The following MBD3 variants were observed in gnomAD, a reference collection of about 807,000 sequenced individuals.
MBD3 encodes the protein methyl-CpG binding domain protein 3.
MBD3 carries 13 observed loss-of-function variants against 31.2 expected under a neutral mutation model. The ratio of observed to expected loss-of-function variants is 0.42; its 90% confidence interval spans 0.27 to 0.66. The LOEUF (loss-of-function observed/expected upper bound fraction) is 0.66. MBD3 is among the 30% of genes least tolerant of loss of function. The probability of loss-of-function intolerance (pLI) is 0.26; values close to 1 mark genes in which losing one functional copy is unlikely to be tolerated. For missense variants in MBD3, 440 were observed against 426.5 expected (o/e 1.03, Z -0.28); for synonymous variants, 223 against 187.4 (o/e 1.19, Z -1.55).
At chr19:1,584,264 T>G (rs1394173128) in intron 3 of MBD3, among the ~76,000 whole-genome samples, 1 of 150,988 alleles carries the variant, frequency 6.6e-6, no homozygotes, top group Non-Finnish European at 1.5e-5. Flanking sequence ...GCCCCCAGGC[T>G]GGAGTGCAGT....
At position 1,576,993 on chromosome 19, in the gene MBD3, G is replaced by T. The variant is rs1917210879; in HGVS notation, c.*1171C>A. The T allele has an allele frequency of 2.6e-5, 4 of 152,350 alleles. No individual in the cohort carries two copies. Among genetic ancestry groups the T allele is most frequent in the Admixed American group, 2.6e-4 (4 of 15,296 alleles). The allele number at this position is 152,350 out of a possible 1,614,324, so 9.4% of individuals were successfully genotyped here. On this transcript the variant is annotated 3_prime_UTR_variant, in exon 7 of 7. Coordinates refer to ENST00000434436, the MANE Select transcript of MBD3 (RefSeq NM_001281453.2). ...CCCGCGGTCAGGCCCCATCAGGGAT[G>T]GTCACAGTCCAGCCACAGGGGCGAC...
intron 4 of MBD3, 35 bp downstream of exon 4, chr19:1,582,587 A>G: frequency 6.2e-7 from 1 of 1,600,606 alleles, no homozygotes; most frequent in African/African-American, 1.3e-5. Context: ...CACCCGGCAC[A>G]TCCCCTTCCG....
chr19:1,581,370 C>G, intron 4 of MBD3, 101 bp from the exon 5 acceptor site: 3 of 1,245,912 alleles, frequency 2.4e-6, no homozygotes, highest in Non-Finnish European at 3.4e-6. Context: ...GAGCTGCCAC[C>G]TTCTTGGAAG....
chr19:1,592,609 C>T lies in MBD3; in HGVS notation c.23G>A (p.Cys8Tyr). The part of the protein sequence containing the change: MERKRWE[C>Y]PALPQGWERE... ...CTCCCAGCCCTGCGGGAGCGCCGGGCACTCCCACCTCTTCCGCTCCATTGC... is the reference window on the plus strand; with the variant it reads ...CTCCCAGCCCTGCGGGAGCGCCGGGTACTCCCACCTCTTCCGCTCCATTGC... The change falls in exon 1 of 7, where the codon TGC becomes TAC. Residue 8 changes from cysteine to tyrosine, a missense_variant. Cys to Tyr is a radical substitution (Grantham distance 194). Coordinates refer to ENST00000434436, the MANE Select transcript of MBD3 (RefSeq NM_001281453.2). The T allele has an allele frequency of 1.4e-6, 2 of 1,396,720 alleles. No individual in the cohort carries two copies. The highest frequency in any genetic ancestry group is 1.9e-6 in the Non-Finnish European group (2 of 1,049,658). The allele number at this position is 1,396,720 out of a possible 1,614,324, so 86.5% of individuals were successfully genotyped here.
Position 1,592,682 on chromosome 19 carries a change from C to G in MBD3, c.-51G>C, listed in dbSNP as rs911397707. On this transcript the variant is annotated 5_prime_UTR_variant, in exon 1 of 7. Transcript: ENST00000434436. ...CGGGCCCGCCGCCGCCGCCCGGACCCCCACTCGCCGCCGCCGCCTCAGCTG... is the reference window on the plus strand; with the variant it reads ...CGGGCCCGCCGCCGCCGCCCGGACCGCCACTCGCCGCCGCCGCCTCAGCTG... 2.8e-6 allele frequency: 2 copies of G among 724,904 alleles called. No individual in the cohort carries two copies. Among genetic ancestry groups the G allele is most frequent in the African/African-American group, 3.9e-5 (2 of 51,378 alleles). The allele number at this position is 724,904 out of a possible 1,614,324, so 44.9% of individuals were successfully genotyped here.
chr19:1,581,567 A>T, intron 4 of MBD3: 1 of 483,122 alleles, frequency 2.1e-6, no homozygotes, highest in Non-Finnish European at 3.8e-6. Context: ...ACACAGTGAG[A>T]CTCCTGTCTC....
rs377442199 is a variant in MBD3, at chr19:1,582,500, G to T, written c.499+122C>A. On this transcript the variant is annotated intron_variant, in intron 4 of 6. Coordinates refer to ENST00000434436, the MANE Select transcript of MBD3 (RefSeq NM_001281453.2). ...CCTCCTCCTGCCCCAGTCGCTGGCAGATTTGCCCTAAGCACCCAAAGCAGG... is the reference window on the plus strand; with the variant it reads ...CCTCCTCCTGCCCCAGTCGCTGGCATATTTGCCCTAAGCACCCAAAGCAGG... 8.0e-5 allele frequency: 74 copies of T among 923,108 alleles called. 1 individual carries two copies. The African/African-American group carries it at 1.1e-3, about 13-fold the overall frequency. The allele number at this position is 923,108 out of a possible 1,614,324, so 57.2% of individuals were successfully genotyped here.
At chr19:1,584,303 G>GC (rs2060667020) in intron 3 of MBD3, among the ~76,000 whole-genome samples, 1 of 151,944 alleles carries the variant, frequency 6.6e-6, no homozygotes, top group African/African-American at 2.4e-5. Context: ...TGCAGCCTCA[G>GC]CCTCCTGGGC....
rs745382322 is a variant in MBD3, at chr19:1,577,759, A to G, written c.*405T>C. 2.4e-5 allele frequency: 4 copies of G among 167,928 alleles called. No individual in the cohort carries two copies. Among genetic ancestry groups the G allele is most frequent in the Non-Finnish European group, 5.2e-5 (4 of 77,312 alleles). 10.4% of individuals were successfully genotyped at this position (167,928 alleles called of 1,614,324 possible). A position where few individuals can be genotyped will look rare whatever the true frequency, so the allele number is the denominator to read the frequency against. ...GTGAGTTTCAAAACTACGCCTCCAGACCGAGAAACCCTCCCAGCTGTCAGC... is the reference window on the plus strand; with the variant it reads ...GTGAGTTTCAAAACTACGCCTCCAGGCCGAGAAACCCTCCCAGCTGTCAGC... On this transcript the variant is annotated 3_prime_UTR_variant, in exon 7 of 7. Transcript: ENST00000434436.
chr19:1,580,988 G>T, intron 5 of MBD3, 104 bp downstream of exon 5: 2 of 1,394,732 alleles, frequency 1.4e-6, no homozygotes, highest in Non-Finnish European at 2.0e-6. Context: ...AACCCCAGCA[G>T]CATCGTGGGG....
Position 1,581,171 on chromosome 19 carries a change from C to A in MBD3, c.598G>T (p.Val200Leu), listed in dbSNP as rs745670785. The A allele has an allele frequency of 6.2e-7, 1 of 1,614,008 alleles. No homozygotes were observed. Among genetic ancestry groups the A allele is most frequent in the South Asian group, 1.1e-5 (1 of 91,092 alleles). Residue 200 changes from valine (V) to leucine (L), a missense_variant, in exon 5 of 7, where the codon GTG (valine) becomes TTG (leucine). Val to Leu is a conservative substitution (Grantham distance 32). This residue lies in a region of MBD3 where 144 missense variants were observed against 196.9 expected (regional missense o/e 0.73). Coordinates refer to ENST00000434436, the MANE Select transcript of MBD3 (RefSeq NM_001281453.2). ...MPITGQLSAA[V>L]EKNPGVWLNT... ...AGCCATACGCCGGGGTTCTTCTCCA[C>A]GGCGGCCGAGAGCTGTCCCGTGATG...
intron 2 of MBD3, 180 bp from the exon 3 acceptor site, chr19:1,584,857 C>T (rs919445138): frequency 9.1e-5 from 90 of 989,486 alleles, no homozygotes; most frequent in Non-Finnish European, 1.1e-4. Context: ...GGCTCTGGAA[C>T]GCCCGCCGCG....
chr19:1,585,509 C>G lies in MBD3; in HGVS notation c.111-295G>C. ...CGATCCTCACACCCTGGCCCTAGCC[C>G]CAGCCTCCACATCGGATCCTTGCTC... On this transcript the variant is annotated intron_variant, in intron 1 of 6. Coordinates refer to ENST00000434436, the MANE Select transcript of MBD3 (RefSeq NM_001281453.2). This position sits in a 1 kb window ranked among gnomAD's most constrained non-coding sequence, Gnocchi z 4.1. The G allele has an allele frequency of 2.3e-6, 1 of 440,880 alleles. No homozygotes were observed. 27.3% of individuals were successfully genotyped at this position (440,880 alleles called of 1,614,324 possible).
intron 2 of MBD3, 57 bp from the exon 3 acceptor site, chr19:1,584,734 CA>C: frequency 2.5e-6 from 4 of 1,571,644 alleles, no homozygotes; most frequent in South Asian, 1.1e-5. Flanking sequence ...CGCGGAGCCT[CA>C]GGGGGTGCGG....
intron 4 of MBD3, 127 bp downstream of exon 4, chr19:1,582,495 T>G (rs1252234801): frequency 1.2e-6 from 1 of 862,722 alleles, no homozygotes; most frequent in African/African-American, 1.7e-5. Context: ...CCCCAGTCGC[T>G]GGCAGATTTG....
intron 2 of MBD3, 136 bp downstream of exon 2, chr19:1,584,919 T>G: frequency 6.1e-6 from 8 of 1,312,170 alleles, no homozygotes; most frequent in Non-Finnish European, 7.4e-6. Flanking sequence ...GCCTGCGCCT[T>G]CCGCTCTGTG....
intron 1 of MBD3, among the ~76,000 whole-genome samples, chr19:1,589,369 G>A (rs1385418887): frequency 1.8e-5 from 2 of 110,958 alleles, no homozygotes; most frequent in Non-Finnish European, 1.8e-5. Flanking sequence ...AAAAAAAAAA[G>A]AAGGCAGGCG....
At chr19:1,589,989 G>A (rs1249350340) in intron 1 of MBD3, among the ~76,000 whole-genome samples, 1 of 152,146 alleles carries the variant, frequency 6.6e-6, no homozygotes, top group African/African-American at 2.4e-5. Context: ...AGCGGTGATG[G>A]TTGCACAACT....
chr19:1,578,391 CTCGTCTTCCTCGTCG>C lies in MBD3; in HGVS notation c.810_824del (p.Asp270_Asp274del), dbSNP rs1917263663. 1 of 1,603,504 alleles carries C rather than the reference CTCGTCTTCCTCGTCG, an allele frequency of 6.2e-7. No homozygotes were observed. Among genetic ancestry groups the C allele is most frequent in the Non-Finnish European group, 8.5e-7 (1 of 1,179,608 alleles). On this transcript the variant is annotated inframe_deletion, in exon 6 of 7. Transcript: ENST00000434436. This position sits in a 1 kb window ranked among gnomAD's most constrained non-coding sequence, Gnocchi z 6.1. The stretch of plus-strand genomic sequence containing the variant: ...GGTCGGGCTCCTCCTCCTCCTCCTC[CTCGTCTTCCTCGTCG>C]TCGTCCTCAGCGCAGGCCTTGTCCA...
Sources: allele counts gnomAD v4.1 joint callset (sites outside exome capture counted in the v4.1 genomes callset), GRCh38; gene constraint gnomAD v4.1.1; regional missense constraint gnomAD v4.1.1; non-coding constraint Gnocchi (gnomAD v3.1); transcripts MANE v1.5; gene names NCBI Gene and HGNC (gene_info 2026-07-23, HGNC 2026-07-21).